Variants in NBAS observed in about 807,000 individuals in gnomAD.
The protein encoded by NBAS is NBAS subunit of NRZ tethering complex.
A neutral mutation model predicts 302.5 loss-of-function variants in NBAS; 219 were observed. The ratio of observed to expected loss-of-function variants is 0.72; its 90% confidence interval spans 0.65 to 0.81. The LOEUF (loss-of-function observed/expected upper bound fraction) is 0.81. Ranked by LOEUF, NBAS falls within the 30% of genes least tolerant of loss-of-function variation. The pLI, the probability that NBAS is intolerant of heterozygous loss-of-function variation, is 0.00. For missense variants in NBAS, 2,932 were observed against 2,841.6 expected (o/e 1.03, Z -0.72); for synonymous variants, 1,118 against 1,021.6 (o/e 1.09, Z -1.80).
chr2:15,133,975 G>A, the NBAS span, among the ~76,000 whole-genome samples: 1 of 151,868 alleles, frequency 6.6e-6, no homozygotes, highest in Non-Finnish European at 1.5e-5. Flanking sequence ...GGGATTGTGA[G>A]ACATCCCCAC....
At chr2:15,153,290 A>G in the NBAS span, among the ~76,000 whole-genome samples, 2 of 152,214 alleles carry the variant, frequency 1.3e-5, no homozygotes, top group Non-Finnish European at 2.9e-5. Flanking sequence ...TACATTTTTT[A>G]GCAAAATGGG....
chr2:15,551,151 G>A (rs1297308063), intron 6 of NBAS, among the ~76,000 whole-genome samples: 2 of 151,996 alleles, frequency 1.3e-5, no homozygotes, highest in African/African-American at 4.8e-5. Flanking sequence ...TTTAAAAAAT[G>A]GCCAAATCCT....
chr2:14,944,764 A>G, the NBAS span, among the ~76,000 whole-genome samples: 1 of 152,128 alleles, frequency 6.6e-6, no homozygotes. Context: ...AACAGATGGT[A>G]AGAGAATCAG....
intron 29 of NBAS, among the ~76,000 whole-genome samples, chr2:15,382,040 A>G (rs1675059724): frequency 6.6e-6 from 1 of 152,230 alleles, no homozygotes; most frequent in South Asian, 2.1e-4. Flanking sequence ...TCTAATTAAA[A>G]AAACTTGTTT....
chr2:15,330,535 A>C, intron 36 of NBAS, 63 bp downstream of exon 36: 20 of 1,598,062 alleles, frequency 1.3e-5, no homozygotes, highest in Non-Finnish European at 1.6e-5. Flanking sequence ...AACAACTGAA[A>C]CATTGCTAAT....
At chr2:15,242,994 A>G (rs1463310032) in intron 44 of NBAS, among the ~76,000 whole-genome samples, 1 of 152,152 alleles carries the variant, frequency 6.6e-6, no homozygotes, top group African/African-American at 2.4e-5. Context: ...GGGTGGAGGG[A>G]CTGAGGAATC....
chr2:14,848,348 C>A, the NBAS span, among the ~76,000 whole-genome samples: 3 of 141,602 alleles, frequency 2.1e-5, no homozygotes, highest in Admixed American at 1.3e-4. Context: ...TCACTCCCAC[C>A]CGAATATTGC....
chr2:15,322,171 A>G (rs1671839178), intron 38 of NBAS, among the ~76,000 whole-genome samples: 1 of 135,044 alleles, frequency 7.4e-6, no homozygotes, highest in Non-Finnish European at 1.6e-5. Context: ...TCTTACTCAT[A>G]GGTGGGAATT....
At chr2:15,189,507 C>T (rs1263543291) in intron 49 of NBAS, among the ~76,000 whole-genome samples, 2 of 152,130 alleles carry the variant, frequency 1.3e-5, no homozygotes, top group East Asian at 1.9e-4. Flanking sequence ...CAGGCACTTG[C>T]GACAAGGGCA....
Position 15,474,180 on chromosome 2 carries a change from C to A in NBAS, c.1486G>T (p.Val496Leu). The stretch of plus-strand genomic sequence containing the variant: ...GGTGCAAATCGCTCCATTTCAGTCA[C>A]CAAGTAAAGGCCCTGTTTTATATAA... ...FGYIKQGLYL[V>L]TEMERFAPPR... is the part of the protein sequence containing the mutation. The change falls in exon 15 of 52, where the codon GTG becomes TTG. Residue 496 changes from valine to leucine, a missense_variant. Transcript: ENST00000281513. 3.7e-6 allele frequency: 6 copies of A among 1,614,094 alleles called. No individual in the cohort carries two copies. Among genetic ancestry groups the A allele is most frequent in the Non-Finnish European group, 5.1e-6 (6 of 1,180,012 alleles).
intron 9 of NBAS, among the ~76,000 whole-genome samples, chr2:15,519,224 TA>T (rs1424527097): frequency 6.6e-6 from 1 of 152,192 alleles, no homozygotes; most frequent in African/African-American, 2.4e-5. Context: ...AACATCTTAG[TA>T]AACTACTTCT....
chr2:15,186,223 T>C (rs1665079768), intron 50 of NBAS, among the ~76,000 whole-genome samples: 1 of 151,554 alleles, frequency 6.6e-6, no homozygotes, highest in Non-Finnish European at 1.5e-5. Context: ...AATGTCTCTG[T>C]GACAGTCAAA....
the NBAS span, among the ~76,000 whole-genome samples, chr2:14,933,178 A>G: frequency 6.6e-6 from 1 of 152,202 alleles, no homozygotes; most frequent in Non-Finnish European, 1.5e-5. Flanking sequence ...ACAAGTCAGA[A>G]CTGAATCCAT....
chr2:15,293,114 T>A (rs1395178130), intron 40 of NBAS, among the ~76,000 whole-genome samples: 2 of 152,214 alleles, frequency 1.3e-5, no homozygotes, highest in Middle Eastern at 3.2e-3. Context: ...ATCTGATCAC[T>A]CACAGTAACT....
the NBAS span, among the ~76,000 whole-genome samples, chr2:14,846,441 A>AG: frequency 1.0e-5 from 1 of 95,520 alleles, no homozygotes; most frequent in African/African-American, 9.2e-5. Flanking sequence ...CTTCAATTAG[A>AG]AAAAAAAAAA....
intron 38 of NBAS, among the ~76,000 whole-genome samples, chr2:15,312,453 T>A (rs1466839228): frequency 6.6e-6 from 1 of 152,140 alleles, no homozygotes; most frequent in Non-Finnish European, 1.5e-5. Context: ...CTTTAAAATT[T>A]TTTTATAGAG....
At chr2:15,154,148 G>A in the NBAS span, among the ~76,000 whole-genome samples, 2 of 152,198 alleles carry the variant, frequency 1.3e-5, no homozygotes, top group African/African-American at 2.4e-5. Flanking sequence ...CCACTTGGAA[G>A]TTGGCATATT....
chr2:15,356,254 A>ATC (rs771950025), intron 33 of NBAS, 49 bp downstream of exon 33: 2 of 1,439,860 alleles, frequency 1.4e-6, no homozygotes, highest in South Asian at 2.3e-5. Flanking sequence ...TCCATTATCC[A>ATC]TCACATAAAG....
intron 33 of NBAS, among the ~76,000 whole-genome samples, chr2:15,355,515 A>G (rs1360714041): frequency 6.6e-6 from 1 of 152,188 alleles, no homozygotes; most frequent in Non-Finnish European, 1.5e-5. Flanking sequence ...GCTATCTGAT[A>G]CGGTTTGGAT....
Sources: gnomAD v4.1 joint callset for allele counts (sites outside exome capture counted in the v4.1 genomes callset) on GRCh38, gnomAD v4.1.1 for gene constraint, MANE v1.5 for transcripts, NCBI Gene and HGNC (gene_info 2026-07-23, HGNC 2026-07-21) for gene names.